Variants in TMEM108 observed in about 807,000 individuals in gnomAD.
TMEM108 encodes transmembrane protein 108, also known as cancer/testis antigen 124.
A neutral mutation model predicts 35.1 loss-of-function variants in TMEM108; 12 were observed. The ratio of observed to expected loss-of-function variants is 0.34; its 90% CI spans 0.22 to 0.55. The LOEUF (loss-of-function observed/expected upper bound fraction) is 0.55. Among genes scored for constraint, TMEM108 ranks in the 20% least tolerant of loss-of-function variants. TMEM108 has a pLI of 0.89. For synonymous variants in TMEM108, 287 were observed against 308.6 expected, an observed-to-expected ratio of 0.93 and a Z score of 0.73; for missense variants, 680 against 753.3, an observed-to-expected ratio of 0.90 and a Z score of 1.14.
intron 3 of TMEM108, among the ~76,000 whole-genome samples, chr3:133,344,593 A>G (rs1477832295): frequency 1.3e-5 from 2 of 151,872 alleles, no homozygotes; most frequent in African/African-American, 4.8e-5. Flanking sequence ...TTTAAAGAAG[A>G]TATGAAGAGA....
intron 2 of TMEM108, among the ~76,000 whole-genome samples, chr3:133,103,048 C>T (rs1944107649): frequency 6.6e-6 from 1 of 152,128 alleles, no homozygotes; most frequent in African/African-American, 2.4e-5. Flanking sequence ...TACCTAAAGA[C>T]AGAAATACTG....
chr3:133,252,002 ACTC>A (rs1336820436), intron 3 of TMEM108, among the ~76,000 whole-genome samples: 1 of 151,760 alleles, frequency 6.6e-6, no homozygotes, highest in East Asian at 1.9e-4. Flanking sequence ...TTGCTATGAA[ACTC>A]CTACAGCACT....
At chr3:133,202,829 A>G (rs184500625) in intron 2 of TMEM108, among the ~76,000 whole-genome samples, 1 of 152,206 alleles carries the variant, frequency 6.6e-6, no homozygotes, top group Admixed American at 6.5e-5. Flanking sequence ...TTCTGTGAAG[A>G]AAGTCAGTGG....
intron 2 of TMEM108, among the ~76,000 whole-genome samples, chr3:133,093,016 G>C (rs929342608): frequency 6.8e-6 from 1 of 147,290 alleles, no homozygotes; most frequent in African/African-American, 2.5e-5. Flanking sequence ...TTGAGATGGA[G>C]TCTTACTCTG....
intron 4 of TMEM108, among the ~76,000 whole-genome samples, chr3:133,382,499 G>A (rs542711846): frequency 6.6e-6 from 1 of 152,356 alleles, no homozygotes; most frequent in African/African-American, 2.4e-5. Flanking sequence ...GGTAGCTTCT[G>A]CTTTGTCTCC....
intron 3 of TMEM108, among the ~76,000 whole-genome samples, chr3:133,248,886 G>A (rs1426604515): frequency 6.6e-6 from 1 of 152,182 alleles, no homozygotes; most frequent in Non-Finnish European, 1.5e-5. Context: ...CCACTTAATT[G>A]TTTCTTGAAT....
At position 133,199,403 on chromosome 3, in the gene TMEM108, C is replaced by A. The variant is rs367652340; in HGVS notation, c.-46-29863C>A. Among the ~76,000 whole-genome samples the A allele has an allele frequency of 2.6e-4, 39 of 152,214 alleles. No homozygotes were observed. The East Asian group carries it at 6.8e-3, about 26-fold the overall frequency. On this transcript the variant is annotated intron_variant, in intron 2 of 5. Transcript: ENST00000321871. ...TTCAGCTTTTCTACTCTGATTTCTC[C>A]CCATCTTTGTGGTTTTATCTACCTT...
At chr3:133,198,454 A>G (rs1450300202) in intron 2 of TMEM108, among the ~76,000 whole-genome samples, 3 of 152,220 alleles carry the variant, frequency 2.0e-5, no homozygotes, top group African/African-American at 7.2e-5. Context: ...TTCCCTCAAG[A>G]GGATAAAATT....
intron 2 of TMEM108, among the ~76,000 whole-genome samples, chr3:133,049,262 G>A (rs1943376098): frequency 6.6e-6 from 1 of 152,122 alleles, no homozygotes. Flanking sequence ...GTAGCCACTA[G>A]CCACATGTGG....
chr3:133,273,171 T>C (rs1946796368), intron 3 of TMEM108, among the ~76,000 whole-genome samples: 1 of 152,212 alleles, frequency 6.6e-6, no homozygotes, highest in Non-Finnish European at 1.5e-5. Flanking sequence ...AATGAGCCCC[T>C]TTAACCCATC....
chr3:133,317,027 G>A (rs1409433253), intron 3 of TMEM108, among the ~76,000 whole-genome samples: 1 of 152,036 alleles, frequency 6.6e-6, no homozygotes, highest in Non-Finnish European at 1.5e-5. Flanking sequence ...TTCCAGTGTG[G>A]CCAGGATGGG....
At chr3:133,281,546 G>A (rs1015370607) in intron 3 of TMEM108, among the ~76,000 whole-genome samples, 16 of 152,208 alleles carry the variant, frequency 1.1e-4, no homozygotes, top group African/African-American at 3.6e-4. Flanking sequence ...AACAAAAACT[G>A]TTACGTCACG....
intron 3 of TMEM108, chr3:133,378,349 C>A (rs1473211110): frequency 3.0e-6 from 3 of 985,398 alleles, no homozygotes; most frequent in Non-Finnish European, 3.6e-6. Flanking sequence ...CAGGGCCCTG[C>A]CTTCTCCATC....
chr3:133,357,665 G>A (rs1209179399), intron 3 of TMEM108, among the ~76,000 whole-genome samples: 1 of 152,192 alleles, frequency 6.6e-6, no homozygotes, highest in African/African-American at 2.4e-5. Flanking sequence ...TCCAAGTGAA[G>A]TAACTTAGGA....
intron 2 of TMEM108, among the ~76,000 whole-genome samples, chr3:133,162,134 G>A (rs1302743272): frequency 6.6e-6 from 1 of 151,476 alleles, no homozygotes; most frequent in African/African-American, 2.4e-5. Flanking sequence ...TACTTGTGGA[G>A]CATTGAATCC....
chr3:133,207,587 A>G (rs1945776572), intron 2 of TMEM108, among the ~76,000 whole-genome samples: 1 of 152,158 alleles, frequency 6.6e-6, no homozygotes, highest in South Asian at 2.1e-4. Context: ...GGATTTAATT[A>G]TTTAAATCAA....
intron 3 of TMEM108, among the ~76,000 whole-genome samples, chr3:133,288,751 GT>G: frequency 6.6e-6 from 1 of 152,236 alleles, no homozygotes; most frequent in South Asian, 2.1e-4. Flanking sequence ...TAATTTGGGG[GT>G]TTTTTGAGAT....
chr3:133,343,929 A>G (rs1001549161), intron 3 of TMEM108, among the ~76,000 whole-genome samples: 1 of 152,004 alleles, frequency 6.6e-6, no homozygotes, highest in Non-Finnish European at 1.5e-5. Flanking sequence ...TTTAAACTGC[A>G]TAGGTCTACT....
chr3:133,125,358 C>G (rs776504045), intron 2 of TMEM108, among the ~76,000 whole-genome samples: 37 of 152,224 alleles, frequency 2.4e-4, no homozygotes, highest in Non-Finnish European at 2.9e-5. Context: ...AACAAGCACC[C>G]TGTGCATCTG....
Sources: gnomAD v4.1 joint callset for allele counts (sites outside exome capture counted in the v4.1 genomes callset) on GRCh38, gnomAD v4.1.1 for gene constraint, MANE v1.5 for transcripts, NCBI Gene and HGNC (gene_info 2026-07-23, HGNC 2026-07-21) for gene names.